DOCK10: variants seen among roughly 807,000 people sequenced by gnomAD.
The protein encoded by DOCK10 is dedicator of cytokinesis 10, also known as dedicator of cytokinesis protein 10.
DOCK10 carries 145 observed loss-of-function variants against 280.1 expected under a neutral mutation model. The observed-to-expected ratio is 0.52, with a 90% CI of 0.45 to 0.59. The LOEUF is 0.59. Ranked by LOEUF, DOCK10 falls within the 20% of genes least tolerant of loss-of-function variation. The pLI is 0.00. For synonymous variants in DOCK10, 915 were observed against 942.2 expected (o/e 0.97, Z 0.53); for missense variants, 2,368 against 2,651.7 (o/e 0.89, Z 2.35).
intron 11 of DOCK10, among the ~76,000 whole-genome samples, chr2:224,873,193 G>A (rs1458112130): frequency 6.6e-6 from 1 of 152,118 alleles, no homozygotes; most frequent in Non-Finnish European, 1.5e-5. Context: ...AGCAATAATG[G>A]CTGGGAAGTC....
Position 224,896,319 on chromosome 2 carries a change from G to A in DOCK10, c.392C>T (p.Ser131Phe). The change falls in exon 4 of 56, where the codon TCT becomes TTT. Residue 131 changes from serine (S) to phenylalanine (F), a missense_variant. Coordinates refer to ENST00000258390, the MANE Select transcript of DOCK10 (RefSeq NM_014689.3). ...HVVNYKYEQY[S>F]GDIRQLPRAE... ...CCGGGGTAGCTGTCGAATGTCTCCA[G>A]AATATTGTTCATATTTGTAGTTTAC... The A allele has an allele frequency of 6.2e-7, 1 of 1,605,646 alleles. No individual in the cohort carries two copies. The highest frequency in any genetic ancestry group is 1.7e-5 in the Admixed American group (1 of 59,498).
intron 1 of DOCK10, among the ~76,000 whole-genome samples, chr2:224,969,287 C>T (rs35573107): frequency 0.13 from 20,462 of 152,154 alleles, 1,420 homozygotes; most frequent in Middle Eastern, 0.21. Context: ...AGTCATCTAA[C>T]GTCTTGGTGT....
chr2:224,922,156 C>T (rs1191621494), intron 2 of DOCK10, among the ~76,000 whole-genome samples: 1 of 149,794 alleles, frequency 6.7e-6, no homozygotes, highest in Non-Finnish European at 1.5e-5. Flanking sequence ...GCAAGGACTC[C>T]ACAAGTTTCC....
intron 3 of DOCK10, among the ~76,000 whole-genome samples, chr2:224,910,445 C>T (rs116621159): frequency 0.01 from 1,598 of 152,250 alleles, 27 homozygotes; most frequent in African/African-American, 0.037. Context: ...AGCCCAGGGA[C>T]GGAGCTGGTG....
chr2:224,821,435 G>A (rs899162309), intron 28 of DOCK10, among the ~76,000 whole-genome samples: 3 of 152,206 alleles, frequency 2.0e-5, no homozygotes, highest in African/African-American at 7.2e-5. Context: ...AGTGGGCTGT[G>A]TTGAGCATCT....
At position 224,839,875 on chromosome 2, in the gene DOCK10, A is replaced by G. The variant is rs1574916339; in HGVS notation, c.2780+79T>C. On this transcript the variant is annotated intron_variant, in intron 24 of 55. Coordinates refer to ENST00000258390, the MANE Select transcript of DOCK10 (RefSeq NM_014689.3). ...ATGAAATGTAAACACACAACAGTAG[A>G]TGACTGTTTAGTTATAATTAAGAGT... is the stretch of plus-strand genomic sequence containing the variant. The G allele has an allele frequency of 1.0e-4, 59 of 587,832 alleles. No homozygotes were observed. The East Asian group carries it at 1.7e-3, about 17-fold the overall frequency. The allele number at this position is 587,832 out of a possible 1,614,324, so 36.4% of individuals were successfully genotyped here.
chr2:225,000,969 A>G (rs1371167866), intron 1 of DOCK10, among the ~76,000 whole-genome samples: 2 of 152,318 alleles, frequency 1.3e-5, no homozygotes, highest in East Asian at 1.9e-4. Flanking sequence ...GTGAGACTCC[A>G]TCTCAAAAAG....
intron 3 of DOCK10, among the ~76,000 whole-genome samples, chr2:224,916,324 T>A (rs919566780): frequency 6.6e-6 from 1 of 152,228 alleles, no homozygotes; most frequent in Non-Finnish European, 1.5e-5. Flanking sequence ...GTGGATCACT[T>A]GAGGTCAAGA....
chr2:224,775,502 G>T (rs1690785544), intron 51 of DOCK10, among the ~76,000 whole-genome samples: 1 of 151,516 alleles, frequency 6.6e-6, no homozygotes, highest in Non-Finnish European at 1.5e-5. Flanking sequence ...TTGAGACAGG[G>T]TCTTGCTCTG....
chr2:224,785,642 G>T (rs1013616921), intron 50 of DOCK10, among the ~76,000 whole-genome samples: 1 of 151,824 alleles, frequency 6.6e-6, no homozygotes, highest in South Asian at 2.1e-4. Flanking sequence ...CACCACACCC[G>T]GCTAATTTTT....
chr2:224,958,180 T>C (rs1267156980), intron 1 of DOCK10, among the ~76,000 whole-genome samples: 1 of 152,234 alleles, frequency 6.6e-6, no homozygotes, highest in African/African-American at 2.4e-5. Context: ...GTGTGGAATA[T>C]AATAAAATGC....
intron 1 of DOCK10, among the ~76,000 whole-genome samples, chr2:225,018,604 A>AATATATATG (rs1689688350): frequency 1.6e-4 from 2 of 12,226 alleles, no homozygotes; most frequent in African/African-American, 6.8e-4. Context: ...TTATATATAT[A>AATATATATG]TAATATATAT....
intron 50 of DOCK10, chr2:224,784,817 A>C (rs766495944): frequency 5.2e-5 from 65 of 1,239,458 alleles, no homozygotes; most frequent in Non-Finnish European, 6.3e-5. Context: ...AGCGTGATTC[A>C]CTTCTACCTG....
At chr2:224,928,325 C>T (rs1702149289) in intron 2 of DOCK10, among the ~76,000 whole-genome samples, 1 of 152,172 alleles carries the variant, frequency 6.6e-6, no homozygotes, top group Non-Finnish European at 1.5e-5. Flanking sequence ...CTGTTGCAAC[C>T]CTGCCTTTAC....
intron 15 of DOCK10, among the ~76,000 whole-genome samples, chr2:224,856,047 A>G (rs1198750402): frequency 1.3e-5 from 2 of 152,200 alleles, no homozygotes; most frequent in Admixed American, 6.5e-5. Flanking sequence ...CCTCATTGAT[A>G]GGTTGGAATC....
At chr2:224,883,861 CTT>C (rs1348398855) in intron 7 of DOCK10, among the ~76,000 whole-genome samples, 2 of 152,114 alleles carry the variant, frequency 1.3e-5, no homozygotes, top group African/African-American at 4.8e-5. Context: ...TTTCTGCAAA[CTT>C]AATATATAAC....
At chr2:224,892,649 G>A (rs1281208327) in intron 4 of DOCK10, among the ~76,000 whole-genome samples, 1 of 152,176 alleles carries the variant, frequency 6.6e-6, no homozygotes. Context: ...GTTCTGAGGA[G>A]GGGCCAAGTG....
intron 1 of DOCK10, among the ~76,000 whole-genome samples, chr2:224,988,405 A>C (rs776583266): frequency 6.6e-5 from 10 of 152,212 alleles, no homozygotes; most frequent in Non-Finnish European, 1.3e-4. Context: ...CTAAGAAAGC[A>C]AGCCCTTATA....
intron 1 of DOCK10, among the ~76,000 whole-genome samples, chr2:225,037,955 C>T (rs1421257450): frequency 6.6e-6 from 1 of 152,180 alleles, no homozygotes; most frequent in Admixed American, 6.5e-5. Flanking sequence ...ATCTTGTAAA[C>T]TAAGTTTGTG....
Sources: allele counts gnomAD v4.1 joint callset (sites outside exome capture counted in the v4.1 genomes callset), GRCh38; gene constraint gnomAD v4.1.1; transcripts MANE v1.5; gene names NCBI Gene and HGNC (gene_info 2026-07-23, HGNC 2026-07-21).